LIMK2: variants seen among roughly 807,000 people sequenced by gnomAD.
The protein encoded by LIMK2 is LIM domain kinase 2.
LIMK2 carries 35 observed loss-of-function variants against 75.7 expected under a neutral mutation model. That is an observed-to-expected ratio of 0.46 (90% CI 0.35 to 0.61). LIMK2 has a LOEUF of 0.61. LIMK2 is among the 20% of genes least tolerant of loss of function. LIMK2 has a pLI of 0.00. For missense variants in LIMK2, 623 were observed against 831.0 expected (o/e 0.75, Z 3.08); for synonymous variants, 301 against 319.2 (o/e 0.94, Z 0.61).
intron 5 of LIMK2, among the ~76,000 whole-genome samples, chr22:31,261,870 T>G (rs1187100015): frequency 6.6e-6 from 1 of 152,234 alleles, no homozygotes; most frequent in Non-Finnish European, 1.5e-5. Flanking sequence ...GGCAGAGTTC[T>G]TAGAGATGGG....
intron 15 of LIMK2, chr22:31,276,833 A>T (rs1471446074): frequency 6.2e-7 from 1 of 1,611,896 alleles, no homozygotes; most frequent in South Asian, 1.1e-5. Flanking sequence ...TGCGCGGATG[A>T]TGAGGGCCCA....
chr22:31,271,794 A>G (rs2048960251), intron 12 of LIMK2, among the ~76,000 whole-genome samples: 3 of 152,128 alleles, frequency 2.0e-5, no homozygotes. Context: ...GTCTCCCCCA[A>G]GTCTCCCCAT....
Position 31,267,882 on chromosome 22 carries a change from C to A in LIMK2, c.1235C>A (p.Thr412Lys). The A allele has an allele frequency of 6.2e-7, 1 of 1,606,614 alleles. No individual in the cohort carries two copies. Among genetic ancestry groups the A allele is most frequent in the Admixed American group, 1.7e-5 (1 of 58,582 alleles). Residue 412 changes from threonine to lysine, a missense_variant, in exon 10 of 16, where the codon ACA becomes AAA. Physicochemically the swap from Thr to Lys is moderately conservative, Grantham distance 78. Around this residue, in one of 3 missense-constraint regions of LIMK2, gnomAD observed 514 missense variants for 661.3 expected, o/e 0.78. Coordinates refer to ENST00000331728, the MANE Select transcript of LIMK2 (RefSeq NM_005569.4). ...CTGACAGAGTACATTGAGGGGGGCA[C>A]ACTGAAGGACTTTCTGCGCAGTATG... ...NLLTEYIEGG[T>K]LKDFLRSMDP...
intron 2 of LIMK2, among the ~76,000 whole-genome samples, chr22:31,227,904 G>A (rs1422754236): frequency 6.6e-6 from 1 of 152,140 alleles, no homozygotes; most frequent in Non-Finnish European, 1.5e-5. Flanking sequence ...TATCACAGAT[G>A]AGGCCTGAAA....
chr22:31,267,155 C>G, intron 9 of LIMK2, 85 bp downstream of exon 9: 1 of 774,194 alleles, frequency 1.3e-6, no homozygotes, highest in Non-Finnish European at 2.1e-6. Context: ...AGAGAAAATA[C>G]AGTTTGGAAT....
intron 2 of LIMK2, among the ~76,000 whole-genome samples, chr22:31,237,234 C>G (rs1320450141): frequency 1.6e-5 from 2 of 126,540 alleles, no homozygotes; most frequent in African/African-American, 3.0e-5. Context: ...GCAGTCCAGC[C>G]TGGGCGACAG....
intron 1 of LIMK2, among the ~76,000 whole-genome samples, chr22:31,223,906 C>T (rs2048457532): frequency 6.6e-6 from 1 of 152,202 alleles, no homozygotes; most frequent in Admixed American, 6.5e-5. Flanking sequence ...TTTAACTCTT[C>T]TCTGGGGAAC....
intron 2 of LIMK2, among the ~76,000 whole-genome samples, chr22:31,228,723 A>T (rs982329328): frequency 6.6e-6 from 1 of 152,096 alleles, no homozygotes; most frequent in Non-Finnish European, 1.5e-5. Context: ...GCTTGAGCCC[A>T]TGAGCCCAGG....
intron 8 of LIMK2, among the ~76,000 whole-genome samples, chr22:31,266,721 A>C (rs909339512): frequency 1.3e-5 from 2 of 151,952 alleles, no homozygotes; most frequent in Admixed American, 1.3e-4. Flanking sequence ...GCTTGGCAGC[A>C]TCCCCTCCTG....
chr22:31,226,522 G>A (rs1179859834), intron 2 of LIMK2, among the ~76,000 whole-genome samples: 1 of 152,256 alleles, frequency 6.6e-6, no homozygotes, highest in Admixed American at 6.5e-5. Flanking sequence ...TTTTAGTGTG[G>A]TTGGCAGAGC....
At chr22:31,258,837 C>T (rs7287402) in intron 3 of LIMK2, 177,032 of 422,166 alleles carry the variant, frequency 0.42, 41,720 homozygotes, top group Middle Eastern at 0.56. Context: ...TAGTGACAGA[C>T]TTGCCAACCC....
chr22:31,262,120 C>T lies in LIMK2; in HGVS notation c.552-14C>T. Reference sequence around the variant, plus strand: ...AGGACATCTTTACCCTGCCTCAACTCTTGTCTGGCCCAGGGTCAACCGGAT... The same window carrying T: ...AGGACATCTTTACCCTGCCTCAACTTTTGTCTGGCCCAGGGTCAACCGGAT... On this transcript the variant is annotated splice_polypyrimidine_tract_variant and intron_variant, in intron 5 of 15. Coordinates refer to ENST00000331728, the MANE Select transcript of LIMK2 (RefSeq NM_005569.4). This position sits in a 1 kb window ranked among gnomAD's most constrained non-coding sequence, Gnocchi z 5.0. The T allele has an allele frequency of 1.2e-6, 2 of 1,609,394 alleles. No homozygotes were observed. The highest frequency in any genetic ancestry group is 8.5e-7 in the Non-Finnish European group (1 of 1,175,664).
At chr22:31,231,316 C>G (rs551439804) in intron 2 of LIMK2, among the ~76,000 whole-genome samples, 1 of 152,328 alleles carries the variant, frequency 6.6e-6, no homozygotes, top group East Asian at 1.9e-4. Flanking sequence ...GTCTCAGGCT[C>G]CTGATGTAGA....
intron 2 of LIMK2, among the ~76,000 whole-genome samples, chr22:31,250,566 C>T (rs924669028): frequency 1.3e-5 from 2 of 152,058 alleles, no homozygotes; most frequent in African/African-American, 2.4e-5. Context: ...GACTGACTTT[C>T]GTAGACATTC....
chr22:31,277,162 G>A (rs574839495), intron 15 of LIMK2: 38 of 1,613,262 alleles, frequency 2.4e-5, no homozygotes, highest in East Asian at 4.5e-5. Flanking sequence ...CCAGGCGAAC[G>A]GTGGCTCCCA....
At chr22:31,243,156 A>G (rs2048637538) in intron 2 of LIMK2, among the ~76,000 whole-genome samples, 1 of 152,122 alleles carries the variant, frequency 6.6e-6, no homozygotes, top group African/African-American at 2.4e-5. Flanking sequence ...ACTTGACCTC[A>G]AGTGATCTGC....
intron 2 of LIMK2, among the ~76,000 whole-genome samples, chr22:31,237,942 TA>T (rs11448021): frequency 0.21 from 30,091 of 140,480 alleles, 4,385 homozygotes; most frequent in African/African-American, 0.43. Context: ...CTGTCTCTGC[TA>T]AAAAAAAAAA....
chr22:31,239,690 G>C (rs182471815), intron 2 of LIMK2, among the ~76,000 whole-genome samples: 17 of 152,166 alleles, frequency 1.1e-4, no homozygotes, highest in Admixed American at 1.1e-3. Flanking sequence ...TACACATCTA[G>C]CATCACTCTT....
At chr22:31,250,546 G>A (rs981438313) in intron 2 of LIMK2, among the ~76,000 whole-genome samples, 1 of 151,188 alleles carries the variant, frequency 6.6e-6, no homozygotes, top group Non-Finnish European at 1.5e-5. Context: ...GCTAGAGTCT[G>A]GGGGGTACTG....
Sources: gnomAD v4.1 joint callset for allele counts (sites outside exome capture counted in the v4.1 genomes callset) on GRCh38, gnomAD v4.1.1 for gene constraint, gnomAD v4.1.1 regional missense constraint, Gnocchi (gnomAD v3.1) non-coding constraint, MANE v1.5 for transcripts, NCBI Gene and HGNC (gene_info 2026-07-23, HGNC 2026-07-21) for gene names.